The following P3H2 variants were observed in gnomAD, a reference collection of about 807,000 sequenced individuals.
The protein encoded by P3H2 is leprecan-like 1.
Under a neutral mutation model 87.0 loss-of-function variants are expected in P3H2, and 80 were observed. The ratio of observed to expected loss-of-function variants is 0.92; its 90% CI spans 0.77 to 1.11. The LOEUF is 1.11. Among genes scored for constraint, P3H2 ranks in the 50% least tolerant of loss-of-function variants. The probability of loss-of-function intolerance (pLI) is 0.00; values close to 1 mark genes in which losing one functional copy is unlikely to be tolerated. For missense variants in P3H2, 1,001 were observed against 923.9 expected (o/e 1.08, Z -1.08); for synonymous variants, 367 against 359.3 (o/e 1.02, Z -0.24).
intron 1 of P3H2, among the ~76,000 whole-genome samples, chr3:190,034,940 C>G (rs1395110864): frequency 4.7e-5 from 7 of 150,078 alleles, no homozygotes; most frequent in Admixed American, 4.0e-4. Context: ...CTTCTGCCTC[C>G]CAGATTCAAG....
At chr3:189,978,892 C>T (rs570720909) in intron 8 of P3H2, among the ~76,000 whole-genome samples, 56 of 152,196 alleles carry the variant, frequency 3.7e-4, no homozygotes, top group African/African-American at 8.4e-4. Context: ...TTCTTAACCA[C>T]AGCCCAAGAA....
At chr3:190,089,528 G>A (rs887158018) in intron 1 of P3H2, among the ~76,000 whole-genome samples, 86 of 152,278 alleles carry the variant, frequency 5.6e-4, no homozygotes, top group Admixed American at 4.8e-3. Flanking sequence ...GTGACCTTCT[G>A]TTCCCGCCCT....
chr3:190,024,245 G>A (rs1011463566), intron 1 of P3H2, among the ~76,000 whole-genome samples: 8 of 151,924 alleles, frequency 5.3e-5, no homozygotes, highest in South Asian at 2.1e-4. Flanking sequence ...TACTATTTAC[G>A]ACAGATGGAT....
chr3:189,998,324 T>C (rs1724110941), intron 1 of P3H2, among the ~76,000 whole-genome samples: 1 of 152,176 alleles, frequency 6.6e-6, no homozygotes, highest in African/African-American at 2.4e-5. Flanking sequence ...GGAACACAAA[T>C]AAATATTTAT....
chr3:189,993,959 A>C (rs1723958815), intron 3 of P3H2, 135 bp downstream of exon 3: 1 of 680,002 alleles, frequency 1.5e-6, no homozygotes, highest in Non-Finnish European at 2.4e-6. Context: ...TCTACAGGAG[A>C]TAGGCTGGGA....
chr3:190,050,891 A>G (rs1410175697), intron 1 of P3H2, among the ~76,000 whole-genome samples: 1 of 152,180 alleles, frequency 6.6e-6, no homozygotes, highest in African/African-American at 2.4e-5. Context: ...ACTTGATACC[A>G]AGTAAATTGT....
At chr3:190,072,042 C>T (rs1397112456) in intron 1 of P3H2, among the ~76,000 whole-genome samples, 3 of 135,854 alleles carry the variant, frequency 2.2e-5, no homozygotes, top group East Asian at 2.2e-4. Flanking sequence ...AGTGCAGTGG[C>T]GCCATCTCGG....
chr3:189,959,745 T>C (rs901778956), intron 14 of P3H2, among the ~76,000 whole-genome samples: 2 of 152,056 alleles, frequency 1.3e-5, no homozygotes, highest in African/African-American at 2.4e-5. Flanking sequence ...TACCTCCAAA[T>C]TGTATCTCAA....
chr3:190,106,144 G>T (rs1020552172), intron 1 of P3H2, among the ~76,000 whole-genome samples: 5 of 152,118 alleles, frequency 3.3e-5, no homozygotes, highest in African/African-American at 1.2e-4. Flanking sequence ...GAATGTGTTT[G>T]AACAGAGTCC....
chr3:190,096,484 T>G (rs1727591519), intron 1 of P3H2, among the ~76,000 whole-genome samples: 1 of 150,186 alleles, frequency 6.7e-6, no homozygotes, highest in African/African-American at 2.5e-5. Flanking sequence ...CTCCTCACGC[T>G]TCCTGTGGAA....
chr3:190,079,384 A>T (rs142232215), intron 1 of P3H2, among the ~76,000 whole-genome samples: 2 of 141,970 alleles, frequency 1.4e-5, no homozygotes, highest in African/African-American at 5.2e-5. Flanking sequence ...AAATAAATAA[A>T]TAATCCTTAT....
chr3:189,974,055 C>G, intron 9 of P3H2, 51 bp from the exon 10 acceptor site: 4 of 1,475,384 alleles, frequency 2.7e-6, no homozygotes, highest in Non-Finnish European at 3.8e-6. Flanking sequence ...ATGAATTCAT[C>G]AGGTCTTTTT....
In P3H2 at chr3:190,117,869, A is replaced by G. The variant is rs1712358482; in HGVS notation, c.480+2383T>C. ...ATATTTTCTTCTTAAGAGATTATCA[A>G]TTATGTAGATCCAAGAAACTGCCAG... On this transcript the variant is annotated intron_variant, in intron 1 of 14. Coordinates refer to ENST00000319332, the MANE Select transcript of P3H2 (RefSeq NM_018192.4). Among the ~76,000 whole-genome samples the G allele has an allele frequency of 1.3e-5, 2 of 152,220 alleles. 1 individual carries two copies. Among genetic ancestry groups the G allele is most frequent in the South Asian group, 4.1e-4 (2 of 4,830 alleles).
At chr3:189,992,793 T>A (rs1029087008) in intron 3 of P3H2, among the ~76,000 whole-genome samples, 22 of 152,232 alleles carry the variant, frequency 1.4e-4, no homozygotes, top group Non-Finnish European at 2.4e-4. Flanking sequence ...TTACAATTGC[T>A]ACATATGTGT....
At chr3:190,007,157 T>C (rs956504631) in intron 1 of P3H2, among the ~76,000 whole-genome samples, 2 of 152,096 alleles carry the variant, frequency 1.3e-5, no homozygotes, top group African/African-American at 2.4e-5. Flanking sequence ...ATAATATCCT[T>C]TTAGTTGTGG....
At chr3:189,969,479 C>A (rs1054379569) in intron 13 of P3H2, 5 of 936,556 alleles carry the variant, frequency 5.3e-6, no homozygotes, top group Non-Finnish European at 8.9e-6. Context: ...ACAACAATGA[C>A]TTCCATCATA....
Position 189,957,708 on chromosome 3 carries a change from G to A in P3H2, c.*204C>T, listed in dbSNP as rs908507132. 1.4e-5 allele frequency: 8 copies of A among 589,970 alleles called. No homozygotes were observed. The highest frequency in any genetic ancestry group is 7.8e-5 in the African/African-American group (4 of 51,012). The allele number at this position is 589,970 out of a possible 1,614,324, so 36.5% of individuals were successfully genotyped here. ...TAGACCATGTCTCTAAGAAGAGAGA[G>A]AGAGAGAGAGAGAGAGAAAACAACC... On this transcript the variant is annotated 3_prime_UTR_variant, in exon 15 of 15. Transcript: ENST00000319332.
chr3:190,102,312 A>T (rs1186982414), intron 1 of P3H2, among the ~76,000 whole-genome samples: 2 of 152,230 alleles, frequency 1.3e-5, no homozygotes, highest in Admixed American at 1.3e-4. Context: ...GGATCTGGGC[A>T]AAGTAAACTG....
At chr3:190,066,158 T>TATATATATATATATATATATACAC (rs1256956930) in intron 1 of P3H2, among the ~76,000 whole-genome samples, 1 of 134,600 alleles carries the variant, frequency 7.4e-6, no homozygotes, top group African/African-American at 3.1e-5. Flanking sequence ...TATATATATA[T>TATATATATATATATATATATACAC]ACACACACAC....
Sources: allele counts gnomAD v4.1 joint callset (sites outside exome capture counted in the v4.1 genomes callset), GRCh38; gene constraint gnomAD v4.1.1; transcripts MANE v1.5; gene names NCBI Gene and HGNC (gene_info 2026-07-23, HGNC 2026-07-21).